The following TRPC4 variants were observed in gnomAD, a reference collection of about 807,000 sequenced individuals.
The protein encoded by TRPC4 is short transient receptor potential channel 4.
Under a neutral mutation model 99.4 loss-of-function variants are expected in TRPC4, and 49 were observed. The observed-to-expected ratio is 0.49, with a 90% CI of 0.39 to 0.63. The LOEUF is 0.63. TRPC4 is among the 20% of genes least tolerant of loss of function. The pLI, the probability that TRPC4 is intolerant of heterozygous loss-of-function variation, is 0.00. For synonymous variants in TRPC4, 454 were observed against 425.9 expected (o/e 1.07, Z -0.81); for missense variants, 898 against 1,152.9 (o/e 0.78, Z 3.20).
chr13:37,771,050 AAGAT>A (rs1176494377), intron 2 of TRPC4, among the ~76,000 whole-genome samples: 3 of 151,618 alleles, frequency 2.0e-5, no homozygotes, highest in Non-Finnish European at 4.4e-5. Context: ...ACTCTCACAA[AAGAT>A]AGATGTGAAT....
At chr13:37,776,051 G>A (rs1593715421) in intron 2 of TRPC4, among the ~76,000 whole-genome samples, 1 of 151,718 alleles carries the variant, frequency 6.6e-6, no homozygotes, top group Non-Finnish European at 1.5e-5. Context: ...CATACTAATA[G>A]TGCAGCATGA....
chr13:37,778,716 T>C (rs905657689), intron 2 of TRPC4, among the ~76,000 whole-genome samples: 3 of 152,052 alleles, frequency 2.0e-5, no homozygotes, highest in Non-Finnish European at 4.4e-5. Context: ...GCAAAGTCTT[T>C]TTTTCCAAAG....
chr13:37,730,070 C>T (rs1386210285), intron 3 of TRPC4, among the ~76,000 whole-genome samples: 1 of 152,038 alleles, frequency 6.6e-6, no homozygotes, highest in Non-Finnish European at 1.5e-5. Context: ...AAGACTACGA[C>T]AGAGAAAGAC....
intron 2 of TRPC4, among the ~76,000 whole-genome samples, chr13:37,771,558 AGTGTGTGTGT>A (rs34539317): frequency 0.1 from 15,019 of 147,456 alleles, 1,069 homozygotes; most frequent in African/African-American, 0.21. Context: ...AGTGTGCATG[AGTGTGTGTGT>A]GTGTGTGTGT....
chr13:37,750,383 A>T (rs536360331), intron 2 of TRPC4, among the ~76,000 whole-genome samples: 64 of 152,272 alleles, frequency 4.2e-4, no homozygotes, highest in Non-Finnish European at 8.1e-4. Context: ...CACTGATACC[A>T]ACTTGTCTGC....
intron 1 of TRPC4, among the ~76,000 whole-genome samples, chr13:37,851,317 T>G (rs1187945176): frequency 1.3e-5 from 2 of 152,094 alleles, no homozygotes; most frequent in Non-Finnish European, 2.9e-5. Context: ...TTGATACACA[T>G]TTTTCACTTT....
At chr13:37,817,973 C>T (rs1463400164) in intron 1 of TRPC4, among the ~76,000 whole-genome samples, 2 of 151,744 alleles carry the variant, frequency 1.3e-5, no homozygotes. Context: ...GACACAGGAA[C>T]GTACAAAGAT....
At chr13:37,799,999 G>A (rs192632246) in intron 1 of TRPC4, among the ~76,000 whole-genome samples, 4 of 152,216 alleles carry the variant, frequency 2.6e-5, no homozygotes, top group South Asian at 2.1e-4. Flanking sequence ...GTGCAAATGC[G>A]ATATAATATC....
rs1951520054 is a variant in TRPC4, at chr13:37,636,406, C to T, written c.*497G>A. On this transcript the variant is annotated 3_prime_UTR_variant, in exon 11 of 11. Transcript: ENST00000379705. ...TTGTGTACAATAATTATTTACATGTCGTTAAGAAATAATTTGGTAATATTT... is the reference window on the plus strand; with the variant it reads ...TTGTGTACAATAATTATTTACATGTTGTTAAGAAATAATTTGGTAATATTT... 6.6e-6 allele frequency among the ~76,000 whole-genome samples: 1 copy of T among 151,982 alleles called. No individual in the cohort carries two copies. The highest frequency in any genetic ancestry group is 2.4e-5 in the African/African-American group (1 of 41,396).
At chr13:37,761,618 A>T (rs746529206) in intron 2 of TRPC4, among the ~76,000 whole-genome samples, 2 of 151,942 alleles carry the variant, frequency 1.3e-5, no homozygotes, top group Non-Finnish European at 2.9e-5. Flanking sequence ...TCTCAAAGTT[A>T]GTTCCCATAG....
rs1406291009 is a variant in TRPC4 at position 37,864,453 on chromosome 13, T to C, written c.-28+5142A>G. On this transcript the variant is annotated intron_variant, in intron 1 of 10. Coordinates refer to ENST00000379705, the MANE Select transcript of TRPC4 (RefSeq NM_016179.4). Reference sequence around the variant, plus strand: ...TATTTTTGTAACATAAGAAATAATATGGTACTCAATATATTGTATAAGTGC... The same window carrying C: ...TATTTTTGTAACATAAGAAATAATACGGTACTCAATATATTGTATAAGTGC... Among the ~76,000 whole-genome samples, 4 of 151,822 alleles carry C rather than the reference T, an allele frequency of 2.6e-5. No individual in the cohort carries two copies. In the East Asian group the frequency reaches 7.7e-4, roughly 29 times the overall value.
intron 3 of TRPC4, among the ~76,000 whole-genome samples, chr13:37,700,336 C>A (rs1241791677): frequency 6.6e-6 from 1 of 152,116 alleles, no homozygotes. Context: ...AGGCTCAGAT[C>A]CTGGCCTTCC....
chr13:37,655,085 T>G lies in TRPC4; in HGVS notation c.1884+3A>C. On this transcript the variant is annotated splice_donor_region_variant and intron_variant, in intron 7 of 10. Transcript: ENST00000379705. ...TGAATTAAAATAAAGCTGGTCAACTTACAGCAATCAGTTGGTAAGAATTAT... is the reference window on the plus strand; with the variant it reads ...TGAATTAAAATAAAGCTGGTCAACTGACAGCAATCAGTTGGTAAGAATTAT... The G allele has an allele frequency of 6.6e-7, 1 of 1,516,058 alleles. No homozygotes were observed. Among genetic ancestry groups the G allele is most frequent in the Non-Finnish European group, 8.9e-7 (1 of 1,124,396 alleles). 93.9% of individuals were successfully genotyped at this position (1,516,058 alleles called of 1,614,324 possible). A position where few individuals can be genotyped will look rare whatever the true frequency, so the allele number is the denominator to read the frequency against.
chr13:37,674,214 TAA>T lies in TRPC4; in HGVS notation c.1374+12_1374+13del, dbSNP rs1952965080. 1.3e-6 allele frequency: 2 copies of T among 1,567,680 alleles called. No individual in the cohort carries two copies. Among genetic ancestry groups the T allele is most frequent in the Non-Finnish European group, 1.7e-6 (2 of 1,159,646 alleles). On this transcript the variant is annotated intron_variant, in intron 5 of 10. Coordinates refer to ENST00000379705, the MANE Select transcript of TRPC4 (RefSeq NM_016179.4). ...CAGAACATATGCTTTACCAACAACA[TAA>T]ATAATAGTTACCTTTACAAATGCAA...
chr13:37,830,337 A>G (rs142783973), intron 1 of TRPC4, among the ~76,000 whole-genome samples: 4 of 152,274 alleles, frequency 2.6e-5, no homozygotes, highest in African/African-American at 7.2e-5. Flanking sequence ...TAAATAAAAC[A>G]TTAAAATGGT....
intron 3 of TRPC4, among the ~76,000 whole-genome samples, chr13:37,716,223 G>A (rs945041691): frequency 1.1e-4 from 17 of 152,090 alleles, no homozygotes; most frequent in African/African-American, 3.1e-4. Flanking sequence ...ATGGAATAAT[G>A]CTTTGGCAAT....
At chr13:37,722,377 C>CA (rs35088140) in intron 3 of TRPC4, among the ~76,000 whole-genome samples, 1 of 152,032 alleles carries the variant, frequency 6.6e-6, no homozygotes, top group Non-Finnish European at 1.5e-5. Flanking sequence ...TTTGGCAGGG[C>CA]AAAAAAGGCT....
At chr13:37,717,072 C>T (rs1250804599) in intron 3 of TRPC4, among the ~76,000 whole-genome samples, 1 of 152,038 alleles carries the variant, frequency 6.6e-6, no homozygotes, top group African/African-American at 2.4e-5. Flanking sequence ...TGAGGCTGCC[C>T]AGAAGATAGT....
At chr13:37,817,304 A>G (rs984286349) in intron 1 of TRPC4, among the ~76,000 whole-genome samples, 1 of 152,056 alleles carries the variant, frequency 6.6e-6, no homozygotes, top group African/African-American at 2.4e-5. Context: ...ATCTAGGAAT[A>G]TAGCTAACCA....
Sources: gnomAD v4.1 joint callset for allele counts (sites outside exome capture counted in the v4.1 genomes callset) on GRCh38, gnomAD v4.1.1 for gene constraint, MANE v1.5 for transcripts, NCBI Gene and HGNC (gene_info 2026-07-23, HGNC 2026-07-21) for gene names.